The following NBEA variants were observed in gnomAD, a reference collection of about 807,000 sequenced individuals.
The protein encoded by NBEA is neurobeachin.
NBEA carries 44 observed loss-of-function variants against 343.4 expected under a neutral mutation model. The ratio of observed to expected loss-of-function variants is 0.13; its 90% CI spans 0.10 to 0.16. The LOEUF (loss-of-function observed/expected upper bound fraction) is 0.16. Among genes scored for constraint, NBEA ranks in the 10% least tolerant of loss-of-function variants. NBEA has a pLI of 1.00. For missense variants in NBEA, 2,555 were observed against 3,631.3 expected, an observed-to-expected ratio of 0.70 and a Z score of 7.62; for synonymous variants, 1,175 against 1,238.7, an observed-to-expected ratio of 0.95 and a Z score of 1.08.
chr13:34,965,103 A>G (rs986100771), intron 1 of NBEA, among the ~76,000 whole-genome samples: 1 of 152,052 alleles, frequency 6.6e-6, no homozygotes, highest in Non-Finnish European at 1.5e-5. Context: ...TGACAGAACT[A>G]TAAAGACCTT....
intron 38 of NBEA, among the ~76,000 whole-genome samples, chr13:35,417,130 C>A (rs2043961207): frequency 1.3e-5 from 2 of 151,850 alleles, no homozygotes; most frequent in Non-Finnish European, 2.9e-5. Context: ...TCTCTCTTTT[C>A]TTCTTTATTA....
chr13:35,586,734 T>C (rs2081308058), intron 46 of NBEA, among the ~76,000 whole-genome samples: 1 of 152,200 alleles, frequency 6.6e-6, no homozygotes, highest in Admixed American at 6.5e-5. Context: ...TATTTATCTC[T>C]ATAAAGCAAT....
At chr13:35,289,264 A>C (rs867037777) in intron 34 of NBEA, among the ~76,000 whole-genome samples, 2 of 151,886 alleles carry the variant, frequency 1.3e-5, no homozygotes, top group Non-Finnish European at 2.9e-5. Flanking sequence ...TACTAATTAC[A>C]TTTATCATCA....
intron 1 of NBEA, among the ~76,000 whole-genome samples, chr13:34,976,959 A>C (rs1160210456): frequency 9.4e-6 from 1 of 106,090 alleles, no homozygotes; most frequent in Non-Finnish European, 1.9e-5. Flanking sequence ...TTTTTTTTTG[A>C]GACAGAGTTT....
intron 1 of NBEA, among the ~76,000 whole-genome samples, chr13:34,982,593 G>A (rs1193828893): frequency 1.3e-5 from 2 of 152,166 alleles, no homozygotes; most frequent in African/African-American, 2.4e-5. Flanking sequence ...GAGCCACCAT[G>A]CCTCACCTGA....
intron 33 of NBEA, among the ~76,000 whole-genome samples, chr13:35,212,913 G>A (rs1260370744): frequency 6.6e-5 from 10 of 151,406 alleles, no homozygotes; most frequent in African/African-American, 2.2e-4. Flanking sequence ...TTGAAAATGA[G>A]CCCTTTGTAG....
chr13:35,375,327 G>C (rs1015829625), intron 38 of NBEA, among the ~76,000 whole-genome samples: 1 of 152,034 alleles, frequency 6.6e-6, no homozygotes, highest in Non-Finnish European at 1.5e-5. Flanking sequence ...CCGTCTCAAC[G>C]TAAGGTCATC....
At chr13:35,406,314 T>C (rs1169575672) in intron 38 of NBEA, among the ~76,000 whole-genome samples, 2 of 139,006 alleles carry the variant, frequency 1.4e-5, no homozygotes, top group Non-Finnish European at 3.2e-5. Flanking sequence ...TTTTTTTTCA[T>C]TTATTTCAAT....
rs529128316 is a variant in NBEA at position 35,316,406 on chromosome 13, C to T, written c.5903+6814C>T. Reference sequence around the variant, plus strand: ...GTTTGCTGAGAATGATGGTTCCCAGCTTCATCCATGTCCCTGCAAAGGACA... The same window carrying T: ...GTTTGCTGAGAATGATGGTTCCCAGTTTCATCCATGTCCCTGCAAAGGACA... On this transcript the variant is annotated intron_variant, in intron 36 of 58. Coordinates refer to ENST00000379939, the MANE Select transcript of NBEA (RefSeq NM_001385012.1). 5.5e-4 allele frequency among the ~76,000 whole-genome samples: 84 copies of T among 152,236 alleles called. 1 individual carries two copies. The highest frequency in any genetic ancestry group is 1.0e-3 in the Non-Finnish European group (69 of 68,010).
chr13:35,171,277 A>G lies in NBEA; in HGVS notation c.4248A>G (p.Glu1416=). 6.2e-7 allele frequency: 1 copy of G among 1,606,008 alleles called. No individual in the cohort carries two copies. Among genetic ancestry groups the G allele is most frequent in the African/African-American group, 1.3e-5 (1 of 74,662 alleles). Residue 1416 remains glutamate, a synonymous_variant, in exon 26 of 59, where the codon GAA becomes GAG. Transcript: ENST00000379939. The part of the protein sequence containing the change: ...AATSPTGSKT[E]LENIEVTQGM... Reference sequence around the variant, plus strand: ...AATCTTCTACTTTTTTAAAGACGGAATTGGAAAATATTGAAGTGACACAAG... The same window carrying G: ...AATCTTCTACTTTTTTAAAGACGGAGTTGGAAAATATTGAAGTGACACAAG...
At chr13:35,451,275 C>A (rs2046298480) in intron 39 of NBEA, among the ~76,000 whole-genome samples, 2 of 152,250 alleles carry the variant, frequency 1.3e-5, no homozygotes, top group African/African-American at 4.8e-5. Flanking sequence ...AGGCTTTTGG[C>A]TCCACGCCCG....
intron 40 of NBEA, among the ~76,000 whole-genome samples, chr13:35,471,799 C>G (rs2075658782): frequency 6.6e-6 from 1 of 152,188 alleles, no homozygotes; most frequent in African/African-American, 2.4e-5. Flanking sequence ...GATTTTCGTT[C>G]TTTTCTACGT....
chr13:35,421,482 G>A (rs950818209), intron 38 of NBEA, among the ~76,000 whole-genome samples: 61 of 151,872 alleles, frequency 4.0e-4, no homozygotes, highest in Non-Finnish European at 7.4e-5. Context: ...TTATAATATA[G>A]TTATCTTAAA....
chr13:35,054,614 G>GT (rs572374951), intron 6 of NBEA, among the ~76,000 whole-genome samples: 6,605 of 116,436 alleles, frequency 0.057, 212 homozygotes, highest in Non-Finnish European at 0.084. Flanking sequence ...TTAATACACT[G>GT]TTTTTTTTTT....
intron 38 of NBEA, among the ~76,000 whole-genome samples, chr13:35,396,034 A>G (rs1279546483): frequency 6.6e-6 from 1 of 151,832 alleles, no homozygotes; most frequent in Non-Finnish European, 1.5e-5. Flanking sequence ...TTTTTAGTGC[A>G]TTTTGTGAAC....
At chr13:35,413,032 T>C (rs1045848820) in intron 38 of NBEA, among the ~76,000 whole-genome samples, 1 of 152,182 alleles carries the variant, frequency 6.6e-6, no homozygotes, top group East Asian at 1.9e-4. Flanking sequence ...TCAGTAAATA[T>C]TGGCCTATTT....
intron 31 of NBEA, 133 bp downstream of exon 31, chr13:35,196,435 T>A: frequency 4.8e-6 from 4 of 839,820 alleles, no homozygotes; most frequent in Non-Finnish European, 7.1e-6. Context: ...ATCAAAATGA[T>A]GGCTCAACCT....
chr13:35,196,603 G>C (rs1402138773), intron 31 of NBEA, among the ~76,000 whole-genome samples: 1 of 151,948 alleles, frequency 6.6e-6, no homozygotes, highest in East Asian at 1.9e-4. Context: ...TTTCTCTTTG[G>C]ACTTAGTCGT....
At position 34,984,119 on chromosome 13, in the gene NBEA, T is replaced by G. The variant is rs557638019; in HGVS notation, c.294+41005T>G. ...TCATGAAGTCCTTGCCCATGCCTCT[T>G]TCCTGAATGGTATTGCCTAGGTTTT... On this transcript the variant is annotated intron_variant, in intron 1 of 58. Coordinates refer to ENST00000379939, the MANE Select transcript of NBEA (RefSeq NM_001385012.1). Among the ~76,000 whole-genome samples, 30 of 152,280 alleles carry G rather than the reference T, an allele frequency of 2.0e-4. No homozygotes were observed. The South Asian group carries it at 3.7e-3, about 19-fold the overall frequency.
Sources: gnomAD v4.1 joint callset for allele counts (sites outside exome capture counted in the v4.1 genomes callset) on GRCh38, gnomAD v4.1.1 for gene constraint, MANE v1.5 for transcripts, NCBI Gene and HGNC (gene_info 2026-07-23, HGNC 2026-07-21) for gene names.